Variants in SNRPN observed in about 807,000 individuals in gnomAD.
The protein encoded by SNRPN is small nuclear ribonucleoprotein-associated protein N.
In SNRPN, 7 loss-of-function variants were observed where a neutral mutation model predicts 25.2. The ratio of observed to expected loss-of-function variants is 0.28; its 90% CI spans 0.16 to 0.52. The LOEUF (loss-of-function observed/expected upper bound fraction) is 0.52, where lower values mean the gene tolerates loss of function less well. Ranked by LOEUF, SNRPN falls within the 20% of genes least tolerant of loss-of-function variation. The pLI is 0.96. For missense variants in SNRPN, 196 were observed against 322.5 expected (o/e 0.61, Z 3.00); for synonymous variants, 124 against 110.6 (o/e 1.12, Z -0.76).
chr15:24,876,747 G>A (rs1008701122), intron 1 of SNRPN, among the ~76,000 whole-genome samples: 3 of 152,092 alleles, frequency 2.0e-5, no homozygotes, highest in African/African-American at 7.2e-5. Context: ...GTTTGTGATT[G>A]AATAGATGAA....
At chr15:24,902,597 T>C (rs1310263098) in intron 2 of SNRPN, among the ~76,000 whole-genome samples, 1 of 152,150 alleles carries the variant, frequency 6.6e-6, no homozygotes, top group East Asian at 1.9e-4. Context: ...GTCCAGAGTT[T>C]GTTCCTTCAG....
upstream of SNRPN, among the ~76,000 whole-genome samples, chr15:24,855,135 T>C (rs899908778): frequency 6.6e-6 from 1 of 152,238 alleles, no homozygotes; most frequent in Non-Finnish European, 1.5e-5. Flanking sequence ...TTATCTGATT[T>C]GTCAGTGGTT....
intron 1 of SNRPN, among the ~76,000 whole-genome samples, chr15:24,880,299 T>G (rs184316868): frequency 1.1e-4 from 17 of 151,530 alleles, no homozygotes; most frequent in African/African-American, 4.1e-4. Context: ...AAGAGGGGGG[T>G]GGTGGTGGAG....
rs1465098246 is a variant in SNRPN at position 24,873,289 on chromosome 15, G to C, written c.-578-13227G>C. On this transcript the variant is annotated intron_variant, in intron 1 of 11. Transcript: ENST00000400097. ...CATGGGACTACATACCACAGTCCCA[G>C]GGACAACCACAAAATCAAGACTCTT... Among the ~76,000 whole-genome samples, 3 of 119,452 alleles carry C rather than the reference G, an allele frequency of 2.5e-5. 1 individual carries two copies. Among genetic ancestry groups the C allele is most frequent in the African/African-American group, 8.6e-5 (3 of 34,720 alleles). 78.4% of individuals were successfully genotyped at this position (119,452 alleles called of 152,430 possible).
At chr15:24,880,185 C>G (rs1595657083) in intron 1 of SNRPN, among the ~76,000 whole-genome samples, 1 of 152,114 alleles carries the variant, frequency 6.6e-6, no homozygotes, top group Non-Finnish European at 1.5e-5. Context: ...CGTTTTTGTT[C>G]TTGTGAACTC....
At chr15:24,973,708 G>C (rs539117736) in intron 3 of SNRPN, among the ~76,000 whole-genome samples, 1 of 152,228 alleles carries the variant, frequency 6.6e-6, no homozygotes, top group African/African-American at 2.4e-5. Flanking sequence ...CCGTTAACGT[G>C]ATTTATAACT....
At chr15:24,961,858 T>C (rs1221761272) in intron 1 of SNRPN, among the ~76,000 whole-genome samples, 1 of 152,288 alleles carries the variant, frequency 6.6e-6, no homozygotes, top group Admixed American at 6.5e-5. Flanking sequence ...GAGGTAGATA[T>C]ATTATTTTAA....
At chr15:24,939,829 G>C (rs558716752) in intron 3 of SNRPN, among the ~76,000 whole-genome samples, 1 of 141,318 alleles carries the variant, frequency 7.1e-6, no homozygotes, top group African/African-American at 2.7e-5. Flanking sequence ...TCACTCTATC[G>C]CTCAGGCTGG....
At chr15:24,977,965 T>C in intron 8 of SNRPN, 49 bp downstream of exon 8, 1 of 1,489,872 alleles carries the variant, frequency 6.7e-7, no homozygotes, top group Non-Finnish European at 9.0e-7. Context: ...TGATGAGAGA[T>C]AGCTTACTGA....
At chr15:24,836,680 T>C (rs1432580689) in intron 2 of SNRPN, among the ~76,000 whole-genome samples, 2 of 152,118 alleles carry the variant, frequency 1.3e-5, no homozygotes, top group Non-Finnish European at 2.9e-5. Context: ...CCCAGAGTGC[T>C]GGGATTATAG....
At chr15:24,855,151 C>T (rs1180103345), upstream of SNRPN, among the ~76,000 whole-genome samples, 1 of 152,104 alleles carries the variant, frequency 6.6e-6, no homozygotes, top group East Asian at 1.9e-4. Context: ...TGGTTTTATT[C>T]TCCATTGTGA....
intron 1 of SNRPN, among the ~76,000 whole-genome samples, chr15:24,865,978 G>A (rs1019346904): frequency 7.2e-5 from 11 of 152,092 alleles, no homozygotes; most frequent in African/African-American, 2.7e-4. Context: ...TGAAGTCACC[G>A]ACCGTAATAG....
chr15:24,962,226 T>C lies in SNRPN; in HGVS notation c.-295+17T>C. ...CAACCAAGAGTGAGTACAGACTGTG[T>C]TGGGAACAAATGCAAGTCAGAATCT... On this transcript the variant is annotated intron_variant, in intron 2 of 9. Coordinates refer to ENST00000390687, the MANE Select transcript of SNRPN (RefSeq NM_003097.6). The C allele has an allele frequency of 6.2e-7, 1 of 1,605,272 alleles. No homozygotes were observed. Among genetic ancestry groups the C allele is most frequent in the Non-Finnish European group, 8.5e-7 (1 of 1,172,070 alleles).
At chr15:24,922,037 T>TAAACA (rs2060053782) in intron 3 of SNRPN, among the ~76,000 whole-genome samples, 1 of 94,416 alleles carries the variant, frequency 1.1e-5, no homozygotes, top group South Asian at 3.8e-4. Context: ...CCGTCTCTAC[T>TAAACA]AAAAAAAAAA....
At chr15:24,853,783 T>G (rs1315455743), upstream of SNRPN, among the ~76,000 whole-genome samples, 1 of 152,212 alleles carries the variant, frequency 6.6e-6, no homozygotes, top group Non-Finnish European at 1.5e-5. Flanking sequence ...CATATCATGT[T>G]GACCTTAATT....
At chr15:24,834,728 C>CCTCTCTCTCTCTCTCTCTCTCTCTCT (rs372713413) in intron 2 of SNRPN, among the ~76,000 whole-genome samples, 3 of 42,774 alleles carry the variant, frequency 7.0e-5, no homozygotes, top group African/African-American at 1.5e-4. Context: ...TCTCTCTCTC[C>CCTCTCTCTCTCTCTCTCTCTCTCTCT]CTCTCTCTCT....
chr15:24,894,196 A>G (rs1269404184), intron 2 of SNRPN, among the ~76,000 whole-genome samples: 2 of 151,762 alleles, frequency 1.3e-5, no homozygotes, highest in Non-Finnish European at 1.5e-5. Flanking sequence ...CGCCCCATCA[A>G]GTGGAAAACC....
chr15:24,944,983 CAA>C (rs965018540), intron 3 of SNRPN, among the ~76,000 whole-genome samples: 7 of 152,288 alleles, frequency 4.6e-5, no homozygotes, highest in African/African-American at 1.4e-4. Flanking sequence ...CTGCTTTACT[CAA>C]AGTCTACTGA....
chr15:24,964,175 T>C (rs892693408), intron 2 of SNRPN, among the ~76,000 whole-genome samples: 4 of 152,196 alleles, frequency 2.6e-5, no homozygotes, highest in African/African-American at 9.7e-5. Flanking sequence ...TTTTTTAAAA[T>C]TGCTTTGGAA....
Sources: allele counts gnomAD v4.1 joint callset (sites outside exome capture counted in the v4.1 genomes callset), GRCh38; gene constraint gnomAD v4.1.1; transcripts MANE v1.5; gene names NCBI Gene and HGNC (gene_info 2026-07-23, HGNC 2026-07-21).